ISM1: variants seen among roughly 807,000 people sequenced by gnomAD.
The protein encoded by ISM1 is isthmin 1.
Under a neutral mutation model 46.3 loss-of-function variants are expected in ISM1, and 25 were observed. The ratio of observed to expected loss-of-function variants is 0.54; its 90% confidence interval spans 0.39 to 0.75. The LOEUF is 0.75. Ranked by LOEUF, ISM1 falls within the 30% of genes least tolerant of loss-of-function variation. ISM1 has a pLI of 0.00. For missense variants in ISM1, 536 were observed against 625.4 expected (o/e 0.86, Z 1.52); for synonymous variants, 255 against 256.7 (o/e 0.99, Z 0.06).
At chr20:13,240,398 G>A (rs1403136628) in intron 1 of ISM1, among the ~76,000 whole-genome samples, 2 of 152,202 alleles carry the variant, frequency 1.3e-5, no homozygotes, top group African/African-American at 2.4e-5. Flanking sequence ...TGACACTTGA[G>A]TCCTGAGCTG....
At chr20:13,319,712 A>G in the ISM1 span, among the ~76,000 whole-genome samples, 1 of 152,228 alleles carries the variant, frequency 6.6e-6, no homozygotes, top group Non-Finnish European at 1.5e-5. Context: ...AAATGTTTGT[A>G]TCTATTTGAA....
chr20:13,251,254 C>T (rs1287940009), intron 1 of ISM1, among the ~76,000 whole-genome samples: 1 of 152,200 alleles, frequency 6.6e-6, no homozygotes, highest in African/African-American at 2.4e-5. Flanking sequence ...CATTCCATCT[C>T]ACCCCCCTTC....
intron 1 of ISM1, among the ~76,000 whole-genome samples, chr20:13,228,884 G>C (rs1406520582): frequency 6.6e-6 from 1 of 151,860 alleles, no homozygotes; most frequent in Non-Finnish European, 1.5e-5. Flanking sequence ...GCATTCTTCT[G>C]GCTATTTCAA....
intron 1 of ISM1, 122 bp from the exon 2 acceptor site, chr20:13,270,382 C>T (rs2040097584): frequency 9.1e-7 from 1 of 1,094,850 alleles, no homozygotes. Flanking sequence ...GTTTGGAATG[C>T]CCTACTGGCT....
In ISM1 at chr20:13,288,576, C is replaced by G; in HGVS notation, c.680C>G (p.Ser227Cys). The change falls in exon 4 of 6, where the codon TCT becomes TGT. Residue 227 changes from serine (S) to cysteine (C), a missense_variant. Physicochemically the swap from Ser to Cys is moderately radical, Grantham distance 112. Coordinates refer to ENST00000262487, the MANE Select transcript of ISM1 (RefSeq NM_080826.2). ...TDGEGDWSLW[S>C]VCSVTCGNGN... ...GGCGAGGGTGACTGGAGTCTCTGGT[C>G]TGTCTGCAGCGTCACCTGCGGGAAC... The G allele has an allele frequency of 6.2e-7, 1 of 1,613,988 alleles. No homozygotes were observed. Among genetic ancestry groups the G allele is most frequent in the Non-Finnish European group, 8.5e-7 (1 of 1,179,886 alleles).
At chr20:13,279,960 A>G (rs1001896386) in intron 3 of ISM1, 62 bp downstream of exon 3, 4 of 1,498,164 alleles carry the variant, frequency 2.7e-6, no homozygotes, top group Non-Finnish European at 3.6e-6. Flanking sequence ...GATGCCTTGG[A>G]CATGGAGCCA....
chr20:13,317,555 C>T, the ISM1 span, among the ~76,000 whole-genome samples: 1 of 151,994 alleles, frequency 6.6e-6, no homozygotes, highest in African/African-American at 2.4e-5. Context: ...TATAAAGCTA[C>T]AGTAATCAAG....
intron 5 of ISM1, among the ~76,000 whole-genome samples, chr20:13,294,930 C>T (rs1233616833): frequency 6.6e-6 from 1 of 152,162 alleles, no homozygotes; most frequent in Admixed American, 6.5e-5. Flanking sequence ...GCAATTCAAT[C>T]CCAGGCTGTT....
chr20:13,268,030 CA>C (rs1258907346), intron 1 of ISM1, among the ~76,000 whole-genome samples: 1 of 152,216 alleles, frequency 6.6e-6, no homozygotes, highest in African/African-American at 2.4e-5. Flanking sequence ...AGCAAGGGAA[CA>C]AATGCATTCA....
chr20:13,262,453 G>C (rs1417945525), intron 1 of ISM1, among the ~76,000 whole-genome samples: 1 of 151,120 alleles, frequency 6.6e-6, no homozygotes, highest in Non-Finnish European at 1.5e-5. Flanking sequence ...TGAAGGGTTT[G>C]TTTTTCTTTT....
In ISM1 at chr20:13,221,851, C is replaced by T; in HGVS notation, c.75C>T (p.Arg25=). The T allele has an allele frequency of 1.4e-6, 2 of 1,440,116 alleles. No individual in the cohort carries two copies. Among genetic ancestry groups the T allele is most frequent in the South Asian group, 1.4e-5 (1 of 72,158 alleles). 89.2% of individuals were successfully genotyped at this position (1,440,116 alleles called of 1,614,324 possible). Residue 25 remains arginine, a synonymous_variant, in exon 1 of 6, where the codon CGC becomes CGT. Coordinates refer to ENST00000262487, the MANE Select transcript of ISM1 (RefSeq NM_080826.2). ...TCACGCTGCACATCACCGTGCTGCG[C>T]GGCTCGGGAGCCGCCGACGGGCCCG... ...LLLTLHITVL[R]GSGAADGPDA...
chr20:13,294,555 G>C (rs6074585), intron 5 of ISM1, among the ~76,000 whole-genome samples: 17,990 of 152,184 alleles, frequency 0.12, 1,356 homozygotes, highest in Middle Eastern at 0.17. Context: ...ATGTGGCTAA[G>C]GACACCAGAG....
chr20:13,274,930 T>A (rs1219472197), intron 2 of ISM1, among the ~76,000 whole-genome samples: 1 of 152,112 alleles, frequency 6.6e-6, no homozygotes, highest in African/African-American at 2.4e-5. Context: ...ATATAAGAGG[T>A]TGGGTTTTAT....
intron 1 of ISM1, among the ~76,000 whole-genome samples, chr20:13,258,549 T>C (rs534353277): frequency 1.3e-5 from 2 of 152,172 alleles, no homozygotes; most frequent in Non-Finnish European, 2.9e-5. Flanking sequence ...AGGTTTATAT[T>C]GAGGAGAATA....
At chr20:13,264,105 T>C (rs1258020054) in intron 1 of ISM1, among the ~76,000 whole-genome samples, 2 of 152,138 alleles carry the variant, frequency 1.3e-5, no homozygotes, top group African/African-American at 4.8e-5. Flanking sequence ...CAACTAGTAC[T>C]TATTTGTTGC....
intron 1 of ISM1, among the ~76,000 whole-genome samples, chr20:13,261,378 A>T (rs1299185167): frequency 3.3e-5 from 5 of 151,604 alleles, no homozygotes; most frequent in African/African-American, 1.2e-4. Flanking sequence ...AGATCGCGCC[A>T]TTGCCCTTCA....
chr20:13,295,709 A>G (rs6033662), intron 5 of ISM1, among the ~76,000 whole-genome samples: 2,090 of 152,324 alleles, frequency 0.014, 21 homozygotes, highest in African/African-American at 0.032. Context: ...CTCCTACAAA[A>G]GAAGAAAGGA....
intron 1 of ISM1, among the ~76,000 whole-genome samples, chr20:13,224,360 C>T (rs1422885245): frequency 6.6e-6 from 1 of 152,176 alleles, no homozygotes; most frequent in Non-Finnish European, 1.5e-5. Context: ...ATGAGGAGGT[C>T]TGCAAAAGAC....
Position 13,221,709 on chromosome 20 carries a change from C to T in ISM1, c.-68C>T, listed in dbSNP as rs1271455740. ...CCGGGCTCCCGGGCTCCTACTCCTC[C>T]TCCCCCGGCGTCACCGCCGCCGCCG... On this transcript the variant is annotated 5_prime_UTR_variant, in exon 1 of 6. Transcript: ENST00000262487. 3 of 1,287,852 alleles carry T rather than the reference C, an allele frequency of 2.3e-6. No homozygotes were observed. The highest frequency in any genetic ancestry group is 2.2e-5 in the South Asian group (1 of 45,354). 79.8% of individuals were successfully genotyped at this position (1,287,852 alleles called of 1,614,324 possible).
Sources: allele counts gnomAD v4.1 joint callset (sites outside exome capture counted in the v4.1 genomes callset), GRCh38; gene constraint gnomAD v4.1.1; transcripts MANE v1.5; gene names NCBI Gene and HGNC (gene_info 2026-07-23, HGNC 2026-07-21).